The following CCNY variants were observed in gnomAD, a reference collection of about 807,000 sequenced individuals.
The protein encoded by CCNY is cyclin Y, also known as cyclin-Y.
CCNY carries 19 observed loss-of-function variants against 42.8 expected under a neutral mutation model. The observed-to-expected ratio is 0.44, with a 90% CI of 0.31 to 0.65. The LOEUF is 0.65. Among genes scored for constraint, CCNY ranks in the 30% least tolerant of loss-of-function variants. The pLI is 0.07. For synonymous variants in CCNY, 165 were observed against 162.7 expected, an observed-to-expected ratio of 1.01 and a Z score of -0.11; for missense variants, 370 against 437.3, an observed-to-expected ratio of 0.85 and a Z score of 1.37.
At chr10:35,539,402 TGGA>T (rs1449058800) in intron 7 of CCNY, among the ~76,000 whole-genome samples, 1 of 152,254 alleles carries the variant, frequency 6.6e-6, no homozygotes, top group Non-Finnish European at 1.5e-5. Flanking sequence ...TCTTCTAACA[TGGA>T]ATATCTTTCT....
intron 1 of CCNY, among the ~76,000 whole-genome samples, chr10:35,371,196 C>T (rs1836928105): frequency 6.6e-6 from 1 of 152,178 alleles, no homozygotes; most frequent in Admixed American, 6.5e-5. Context: ...CAGCCCAGTG[C>T]TGGGATACAG....
intron 1 of CCNY, among the ~76,000 whole-genome samples, chr10:35,410,909 T>C (rs528399643): frequency 6.6e-5 from 10 of 152,324 alleles, no homozygotes; most frequent in African/African-American, 2.4e-4. Flanking sequence ...TACTTGGTGT[T>C]GTTGGATTTG....
rs74733578 is a variant in CCNY, at chr10:35,445,760, A to T, written c.155-37644A>T. 7.9e-5 allele frequency among the ~76,000 whole-genome samples: 12 copies of T among 152,336 alleles called. No individual in the cohort carries two copies. The East Asian group carries it at 2.3e-3, about 29-fold the overall frequency. ...CATATCTTAAATAATCCTTTTATGTAATAATCCTGCTGATACTTGTTCTTT... is the reference window on the plus strand; with the variant it reads ...CATATCTTAAATAATCCTTTTATGTTATAATCCTGCTGATACTTGTTCTTT... On this transcript the variant is annotated intron_variant, in intron 1 of 9. Coordinates refer to ENST00000374704, the MANE Select transcript of CCNY (RefSeq NM_145012.6).
chr10:35,381,359 A>C (rs1276895761), intron 1 of CCNY, among the ~76,000 whole-genome samples: 1 of 152,074 alleles, frequency 6.6e-6, no homozygotes, highest in Non-Finnish European at 1.5e-5. Flanking sequence ...CAGGAATTTG[A>C]GACCAGCCGG....
At chr10:35,512,183 TTTAAGCCA>T (rs1218217505) in intron 3 of CCNY, among the ~76,000 whole-genome samples, 1 of 152,216 alleles carries the variant, frequency 6.6e-6, no homozygotes, top group African/African-American at 2.4e-5. Context: ...GATTTCTGGT[TTTAAGCCA>T]TTACAGTTGA....
intron 3 of CCNY, among the ~76,000 whole-genome samples, chr10:35,309,999 A>C (rs1835664073): frequency 1.3e-5 from 2 of 151,170 alleles, no homozygotes; most frequent in Admixed American, 1.3e-4. Flanking sequence ...GCAGGGTTTC[A>C]CCATGTTAGC....
At chr10:35,434,950 T>C (rs1838495894) in intron 1 of CCNY, among the ~76,000 whole-genome samples, 1 of 152,232 alleles carries the variant, frequency 6.6e-6, no homozygotes, top group Non-Finnish European at 1.5e-5. Flanking sequence ...ACTTTGAGAA[T>C]GTCAGAGAAC....
At chr10:35,393,176 A>C (rs1490685327) in intron 1 of CCNY, among the ~76,000 whole-genome samples, 6 of 152,100 alleles carry the variant, frequency 3.9e-5, no homozygotes, top group Non-Finnish European at 7.4e-5. Flanking sequence ...AGTCTTCCTC[A>C]CCATTTTAAT....
chr10:35,427,826 A>G (rs968393275), intron 1 of CCNY, among the ~76,000 whole-genome samples: 1 of 152,110 alleles, frequency 6.6e-6, no homozygotes, highest in Non-Finnish European at 1.5e-5. Flanking sequence ...GCAGCAAAAC[A>G]AGTGCTGACA....
chr10:35,349,145 G>A (rs1226131388), intron 1 of CCNY, among the ~76,000 whole-genome samples: 3 of 152,188 alleles, frequency 2.0e-5, no homozygotes, highest in African/African-American at 7.2e-5. Context: ...GGTATCTGCA[G>A]GGGTCCTGGA....
At position 35,454,058 on chromosome 10, in the gene CCNY, C is replaced by T. The variant is rs183901888; in HGVS notation, c.155-29346C>T. Among the ~76,000 whole-genome samples, 24 of 152,266 alleles carry T rather than the reference C, an allele frequency of 1.6e-4. No individual in the cohort carries two copies. The East Asian group carries it at 4.0e-3, about 26-fold the overall frequency. On this transcript the variant is annotated intron_variant, in intron 1 of 9. Coordinates refer to ENST00000374704, the MANE Select transcript of CCNY (RefSeq NM_145012.6). ...AAACACTATACTGTACTGTGACAGG[C>T]GGCGAATCCAGAGGAACACATGGCT...
chr10:35,428,439 G>T (rs1838316513), intron 1 of CCNY, among the ~76,000 whole-genome samples: 1 of 152,236 alleles, frequency 6.6e-6, no homozygotes, highest in Non-Finnish European at 1.5e-5. Flanking sequence ...AGTCTGGCTG[G>T]AATGAGAGAG....
chr10:35,494,876 A>G (rs574600070), intron 2 of CCNY, among the ~76,000 whole-genome samples: 2 of 152,310 alleles, frequency 1.3e-5, no homozygotes, highest in South Asian at 4.1e-4. Context: ...TACACATCAG[A>G]ATATTAATAG....
intron 3 of CCNY, among the ~76,000 whole-genome samples, chr10:35,505,627 T>C (rs1342091248): frequency 1.3e-5 from 2 of 152,188 alleles, no homozygotes; most frequent in East Asian, 3.8e-4. Flanking sequence ...TTTTCTTATC[T>C]CCTAGGGTGG....
chr10:35,424,370 G>A (rs1321728462), intron 1 of CCNY, among the ~76,000 whole-genome samples: 1 of 152,144 alleles, frequency 6.6e-6, no homozygotes, highest in African/African-American at 2.4e-5. Flanking sequence ...GGGATTACAG[G>A]CATGCGCCAC....
chr10:35,326,127 C>T (rs771402014), intron 3 of CCNY, among the ~76,000 whole-genome samples: 7 of 151,970 alleles, frequency 4.6e-5, no homozygotes, highest in African/African-American at 7.2e-5. Flanking sequence ...AAATAAAATG[C>T]GCCCATTTTA....
At chr10:35,308,305 C>A (rs567363158) in intron 3 of CCNY, among the ~76,000 whole-genome samples, 1 of 151,944 alleles carries the variant, frequency 6.6e-6, no homozygotes, top group Non-Finnish European at 1.5e-5. Context: ...GTGATCCCAG[C>A]ACTTTGGGAG....
At chr10:35,547,539 T>C (rs923169768) in intron 7 of CCNY, among the ~76,000 whole-genome samples, 2 of 152,160 alleles carry the variant, frequency 1.3e-5, no homozygotes, top group African/African-American at 4.8e-5. Flanking sequence ...AGCCAAGGAC[T>C]CAGTTTCCCT....
At chr10:35,384,456 A>G (rs1837259656) in intron 1 of CCNY, among the ~76,000 whole-genome samples, 1 of 152,190 alleles carries the variant, frequency 6.6e-6, no homozygotes, top group Non-Finnish European at 1.5e-5. Context: ...GCCTGTGGAG[A>G]TACTTAACGT....
Sources: allele counts gnomAD v4.1 joint callset (sites outside exome capture counted in the v4.1 genomes callset), GRCh38; gene constraint gnomAD v4.1.1; transcripts MANE v1.5; gene names NCBI Gene and HGNC (gene_info 2026-07-23, HGNC 2026-07-21).